Variants in PTPRG observed in about 807,000 individuals in gnomAD.
PTPRG encodes the protein protein tyrosine phosphatase receptor type G.
PTPRG carries 102 observed loss-of-function variants against 165.3 expected under a neutral mutation model. The ratio of observed to expected loss-of-function variants is 0.62; its 90% confidence interval spans 0.53 to 0.73. The LOEUF (loss-of-function observed/expected upper bound fraction) is 0.73. Among genes scored for constraint, PTPRG ranks in the 30% least tolerant of loss-of-function variants. The pLI is 0.00. For missense variants in PTPRG, 1,866 were observed against 1,861.4 expected, an observed-to-expected ratio of 1.00 and a Z score of -0.05; for synonymous variants, 675 against 669.5, an observed-to-expected ratio of 1.01 and a Z score of -0.13.
At chr3:61,762,054 G>A (rs1167495354) in intron 2 of PTPRG, among the ~76,000 whole-genome samples, 1 of 152,164 alleles carries the variant, frequency 6.6e-6, no homozygotes, top group Non-Finnish European at 1.5e-5. Context: ...ACTAGCACCT[G>A]CAAAGATGAG....
chr3:62,054,563 C>T (rs1700570412), intron 4 of PTPRG, among the ~76,000 whole-genome samples: 1 of 152,282 alleles, frequency 6.6e-6, no homozygotes, highest in South Asian at 2.1e-4. Flanking sequence ...TGTCACCTGA[C>T]TTCACCTGGT....
chr3:62,243,131 T>C (rs1450648606), intron 14 of PTPRG, among the ~76,000 whole-genome samples: 1 of 152,078 alleles, frequency 6.6e-6, no homozygotes, highest in Non-Finnish European at 1.5e-5. Context: ...GAGCTGCTGA[T>C]GGCTTTTCTC....
At chr3:61,934,985 G>C (rs780756268) in intron 2 of PTPRG, among the ~76,000 whole-genome samples, 1 of 152,094 alleles carries the variant, frequency 6.6e-6, no homozygotes, top group East Asian at 1.9e-4. Flanking sequence ...TCTTGAGTGC[G>C]GAGTTCCCAA....
intron 8 of PTPRG, among the ~76,000 whole-genome samples, chr3:62,180,931 A>G (rs545684011): frequency 5.7e-4 from 87 of 152,270 alleles, no homozygotes; most frequent in African/African-American, 1.7e-3. Context: ...TTTTCTGAGC[A>G]TGTAGCTCTG....
Position 62,255,108 on chromosome 3 carries a change from A to C in PTPRG, c.2468-16A>C. The C allele has an allele frequency of 6.3e-7, 1 of 1,598,604 alleles. No homozygotes were observed. Among genetic ancestry groups the C allele is most frequent in the Non-Finnish European group, 8.6e-7 (1 of 1,168,842 alleles). On this transcript the variant is annotated splice_polypyrimidine_tract_variant and intron_variant, in intron 15 of 29. Coordinates refer to ENST00000474889, the MANE Select transcript of PTPRG (RefSeq NM_002841.4). This position sits in a 1 kb window ranked among gnomAD's most constrained non-coding sequence, Gnocchi z 4.0. ...AGTATTCTATGTAACTTTGAATATT[A>C]TTTTATTCCCCCCAGATGACATGGA...
At chr3:61,597,211 C>G (rs923207598) in intron 1 of PTPRG, among the ~76,000 whole-genome samples, 2 of 152,168 alleles carry the variant, frequency 1.3e-5, no homozygotes, top group Non-Finnish European at 2.9e-5. Context: ...ATGCTCCACC[C>G]AACACTGCTG....
At chr3:61,860,964 C>T (rs1174689756) in intron 2 of PTPRG, among the ~76,000 whole-genome samples, 1 of 152,056 alleles carries the variant, frequency 6.6e-6, no homozygotes, top group African/African-American at 2.4e-5. Flanking sequence ...CCTTCCCTGT[C>T]CCCATCTCTG....
At chr3:61,841,893 A>G (rs563919128) in intron 2 of PTPRG, among the ~76,000 whole-genome samples, 10 of 152,336 alleles carry the variant, frequency 6.6e-5, no homozygotes, top group African/African-American at 2.2e-4. Flanking sequence ...ATTTCAGGCA[A>G]ATTACCCATA....
chr3:62,089,871 T>G (rs1163929881), intron 5 of PTPRG, among the ~76,000 whole-genome samples: 2 of 152,224 alleles, frequency 1.3e-5, no homozygotes, highest in Non-Finnish European at 2.9e-5. Flanking sequence ...AAAGTTGATG[T>G]AAGCCAAGAA....
chr3:61,938,665 AG>A (rs2039539177), intron 2 of PTPRG, among the ~76,000 whole-genome samples: 1 of 152,218 alleles, frequency 6.6e-6, no homozygotes, highest in South Asian at 2.1e-4. Context: ...AGGTGCGGTC[AG>A]TTGAAATATT....
intron 28 of PTPRG, among the ~76,000 whole-genome samples, chr3:62,285,283 C>A (rs761142609): frequency 6.6e-6 from 1 of 152,082 alleles, no homozygotes; most frequent in African/African-American, 2.4e-5. Context: ...AAATTGTCCC[C>A]AGAAAGCCTT....
intron 6 of PTPRG, 131 bp from the exon 7 acceptor site, chr3:62,156,923 CACCAAATGCTAGT>C: frequency 1.3e-6 from 1 of 746,166 alleles, no homozygotes; most frequent in South Asian, 1.7e-5. Flanking sequence ...GCTCTCCCAC[CACCAAATGCTAGT>C]GCTTCTCAGG....
chr3:62,191,475 G>A lies in PTPRG; in HGVS notation c.1040G>A (p.Ser347Asn). ...PLGTEASKVC[S>N]SPPIHMKVQP... Reference sequence around the variant, plus strand: ...GAGCCCTGTGTATCTTCAGTTTGCAGCTCTCCACCCATCCACATGAAGGTG... The same window carrying A: ...GAGCCCTGTGTATCTTCAGTTTGCAACTCTCCACCCATCCACATGAAGGTG... Residue 347 changes from serine (S) to asparagine (N), a missense_variant, in exon 9 of 30, where the codon AGC becomes AAC. Transcript: ENST00000474889. The A allele has an allele frequency of 6.2e-7, 1 of 1,613,562 alleles. No individual in the cohort carries two copies.
chr3:61,839,441 C>G (rs1250632980), intron 2 of PTPRG, among the ~76,000 whole-genome samples: 1 of 152,110 alleles, frequency 6.6e-6, no homozygotes, highest in East Asian at 1.9e-4. Flanking sequence ...AATGCAAAAA[C>G]AAACTAAAGT....
intron 2 of PTPRG, among the ~76,000 whole-genome samples, chr3:61,903,159 C>G (rs1280277266): frequency 6.6e-6 from 1 of 152,176 alleles, no homozygotes; most frequent in African/African-American, 2.4e-5. Context: ...CCGTGCTGTT[C>G]TCTCCATCTG....
At chr3:61,969,840 A>G (rs1042422729) in intron 2 of PTPRG, among the ~76,000 whole-genome samples, 1 of 152,182 alleles carries the variant, frequency 6.6e-6, no homozygotes, top group Non-Finnish European at 1.5e-5. Context: ...TCCCCTTGGA[A>G]AGCTGCACTG....
chr3:61,754,921 C>T (rs1032272471), intron 2 of PTPRG, among the ~76,000 whole-genome samples: 1 of 152,034 alleles, frequency 6.6e-6, no homozygotes, highest in Non-Finnish European at 1.5e-5. Context: ...CTAAAGCCTC[C>T]TCCAAAATCT....
At chr3:61,664,712 T>A (rs954117303) in intron 1 of PTPRG, among the ~76,000 whole-genome samples, 1 of 152,138 alleles carries the variant, frequency 6.6e-6, no homozygotes, top group Non-Finnish European at 1.5e-5. Flanking sequence ...ACGCCTGTAA[T>A]CCCAGCTACT....
chr3:61,982,274 C>T (rs1025486796), intron 2 of PTPRG, among the ~76,000 whole-genome samples: 2 of 152,104 alleles, frequency 1.3e-5, no homozygotes, highest in Admixed American at 1.3e-4. Flanking sequence ...ATCTCAGATA[C>T]TTGTTGAAGC....
Sources: allele counts gnomAD v4.1 joint callset (sites outside exome capture counted in the v4.1 genomes callset), GRCh38; gene constraint gnomAD v4.1.1; non-coding constraint Gnocchi (gnomAD v3.1); transcripts MANE v1.5; gene names NCBI Gene and HGNC (gene_info 2026-07-23, HGNC 2026-07-21).